Variants in TMPRSS15 observed in about 807,000 individuals in gnomAD.
TMPRSS15 encodes enteropeptidase.
In TMPRSS15, 128 loss-of-function variants were observed where a neutral mutation model predicts 125.3. That is an observed-to-expected ratio of 1.02 (90% CI 0.89 to 1.18). The LOEUF (loss-of-function observed/expected upper bound fraction) is 1.18, where lower values mean the gene tolerates loss of function less well. Ranked by LOEUF, TMPRSS15 falls within the 50% of genes most tolerant of loss-of-function variation. TMPRSS15 has a pLI of 0.00. For synonymous variants in TMPRSS15, 446 were observed against 423.2 expected (o/e 1.05, Z -0.66); for missense variants, 1,283 against 1,212.7 (o/e 1.06, Z -0.86).
Position 18,422,223 on chromosome 21 carries a change from C to T in TMPRSS15, c.11-23894G>A, listed in dbSNP as rs932477086. Among the ~76,000 whole-genome samples the T allele has an allele frequency of 5.3e-5, 8 of 152,116 alleles. No homozygotes were observed. The East Asian group carries it at 7.7e-4, about 15-fold the overall frequency. On this transcript the variant is annotated intron_variant, in intron 1 of 7. Coordinates refer to the TMPRSS15 transcript ENST00000422787. ...TTGGTCTTGAACTCCTGACCTCAGGCGAGCCACCCTCCTCAGCTTCCCAAA... is the reference window on the plus strand; with the variant it reads ...TTGGTCTTGAACTCCTGACCTCAGGTGAGCCACCCTCCTCAGCTTCCCAAA...
chr21:18,478,726 T>C (rs915494623), intron 1 of TMPRSS15, among the ~76,000 whole-genome samples: 5 of 152,002 alleles, frequency 3.3e-5, no homozygotes, highest in African/African-American at 1.2e-4. Flanking sequence ...CATGGTTAGA[T>C]TGAGGTTATA....
chr21:18,359,379 C>T (rs2147020953), intron 8 of TMPRSS15, among the ~76,000 whole-genome samples: 1 of 152,116 alleles, frequency 6.6e-6, no homozygotes, highest in Middle Eastern at 3.4e-3. Flanking sequence ...ATGACAGAAC[C>T]TCTGTGAGTT....
In TMPRSS15 at chr21:18,285,604, A is replaced by AAAGT. The variant is rs1474777352; in HGVS notation, c.2487-4387_2487-4384dup. ...CCAATTCGAATATTTAAGGCAACTGAAAGTTAGAATGTTTCTGAAACATAG... is the reference window on the plus strand; with the variant it reads ...CCAATTCGAATATTTAAGGCAACTGAAAGTAAGTTAGAATGTTTCTGAAACATAG... On this transcript the variant is annotated intron_variant, in intron 21 of 24. Coordinates refer to ENST00000284885, the MANE Select transcript of TMPRSS15 (RefSeq NM_002772.3). Among the ~76,000 whole-genome samples the AAAGT allele has an allele frequency of 8.0e-4, 122 of 152,336 alleles. 1 individual carries two copies. Among genetic ancestry groups the AAAGT allele is most frequent in the Non-Finnish European group, 2.2e-4 (15 of 68,036 alleles).
intron 3 of TMPRSS15, among the ~76,000 whole-genome samples, chr21:18,395,793 TGCACAAAA>T (rs1196054325): frequency 1.3e-5 from 2 of 152,206 alleles, no homozygotes; most frequent in Non-Finnish European, 2.9e-5. Context: ...GACTGTCAGC[TGCACAAAA>T]GCACAAAAAA....
rs2146936352 is a variant in TMPRSS15 at position 18,313,094 on chromosome 21, C to T, written c.2033-17G>A. 2 of 1,581,768 alleles carry T rather than the reference C, an allele frequency of 1.3e-6. No individual in the cohort carries two copies. Among genetic ancestry groups the T allele is most frequent in the Non-Finnish European group, 1.7e-6 (2 of 1,150,772 alleles). ...AAAAACGCACTAAAGACACAGAGAG[C>T]ATAATGGTAGTTACCAGAGACTGAA... On this transcript the variant is annotated splice_polypyrimidine_tract_variant and intron_variant, in intron 17 of 24. Coordinates refer to ENST00000284885, the MANE Select transcript of TMPRSS15 (RefSeq NM_002772.3).
At chr21:18,372,395 T>C in intron 5 of TMPRSS15, 71 bp from the exon 6 acceptor site, 2 of 1,420,500 alleles carry the variant, frequency 1.4e-6, no homozygotes, top group Non-Finnish European at 2.0e-6. Flanking sequence ...TAATAGGCCT[T>C]TTTGCCACTG....
Position 18,297,731 on chromosome 21 carries a change from C to T in TMPRSS15, c.2261+3G>A, listed in dbSNP as rs370016626. ...TAGTCTAAGAACAGATTTAGGGACCCACCTGGGTGTTAGTATTAAGTGGCC... is the reference window on the plus strand; with the variant it reads ...TAGTCTAAGAACAGATTTAGGGACCTACCTGGGTGTTAGTATTAAGTGGCC... On this transcript the variant is annotated splice_donor_region_variant and intron_variant, in intron 19 of 24. Coordinates refer to ENST00000284885, the MANE Select transcript of TMPRSS15 (RefSeq NM_002772.3). 1.6e-5 allele frequency: 25 copies of T among 1,610,786 alleles called. No individual in the cohort carries two copies. The highest frequency in any genetic ancestry group is 5.0e-5 in the Admixed American group (3 of 59,988).
chr21:18,286,187 C>CT (rs961568788), intron 21 of TMPRSS15, among the ~76,000 whole-genome samples: 5 of 152,204 alleles, frequency 3.3e-5, no homozygotes, highest in South Asian at 4.2e-4. Context: ...CCTCCTCAGT[C>CT]TTTTTTTCTC....
At chr21:18,405,505 C>T (rs193295618), upstream of TMPRSS15, among the ~76,000 whole-genome samples, 120 of 152,176 alleles carry the variant, frequency 7.9e-4, no homozygotes, top group Middle Eastern at 0.01. Flanking sequence ...TAACAAAACT[C>T]GTTACAAAGC....
intron 3 of TMPRSS15, among the ~76,000 whole-genome samples, chr21:18,393,025 C>T (rs375848907): frequency 7.9e-5 from 12 of 152,122 alleles, no homozygotes; most frequent in African/African-American, 2.2e-4. Context: ...CACCCAGTAA[C>T]GAAAACATAG....
chr21:18,325,055 T>G (rs955592775), intron 16 of TMPRSS15, among the ~76,000 whole-genome samples: 2 of 151,984 alleles, frequency 1.3e-5, no homozygotes, highest in African/African-American at 2.4e-5. Flanking sequence ...CAAATTTTCT[T>G]CTAAGTTAAA....
chr21:18,334,555 T>C (rs1208282296), intron 13 of TMPRSS15, among the ~76,000 whole-genome samples: 1 of 152,166 alleles, frequency 6.6e-6, no homozygotes, highest in Non-Finnish European at 1.5e-5. Flanking sequence ...TTAGACATAA[T>C]TTAAGAAATG....
chr21:18,369,567 T>C (rs530445731), intron 6 of TMPRSS15, among the ~76,000 whole-genome samples: 1 of 152,148 alleles, frequency 6.6e-6, no homozygotes, highest in South Asian at 2.1e-4. Context: ...GGAAGTTGCA[T>C]GAGGAAGACA....
At chr21:18,325,688 C>A (rs777941735) in intron 16 of TMPRSS15, among the ~76,000 whole-genome samples, 1 of 151,942 alleles carries the variant, frequency 6.6e-6, no homozygotes, top group Non-Finnish European at 1.5e-5. Context: ...GAAAGAACCA[C>A]TGAGTTGCCG....
intron 1 of TMPRSS15, among the ~76,000 whole-genome samples, chr21:18,436,578 C>T (rs948578445): frequency 6.6e-6 from 1 of 151,388 alleles, no homozygotes; most frequent in Non-Finnish European, 1.5e-5. Flanking sequence ...AGCTGATAAG[C>T]AACTTCAGCA....
chr21:18,407,816 G>T (rs142822856), upstream of TMPRSS15, among the ~76,000 whole-genome samples: 1 of 152,178 alleles, frequency 6.6e-6, no homozygotes, highest in African/African-American at 2.4e-5. Context: ...AAGATAAAAC[G>T]CTTTATGTGA....
chr21:18,357,789 T>C (rs1400404547), intron 8 of TMPRSS15, among the ~76,000 whole-genome samples: 1 of 151,758 alleles, frequency 6.6e-6, no homozygotes, highest in Non-Finnish European at 1.5e-5. Context: ...TGGTGTAAAT[T>C]CAAATAAACA....
intron 1 of TMPRSS15, among the ~76,000 whole-genome samples, chr21:18,423,501 C>A (rs951735827): frequency 6.6e-6 from 1 of 151,484 alleles, no homozygotes; most frequent in African/African-American, 2.4e-5. Flanking sequence ...CTCCGCCTCC[C>A]GGGTTCAGGC....
intron 1 of TMPRSS15, among the ~76,000 whole-genome samples, chr21:18,476,056 A>G (rs190133873): frequency 2.4e-4 from 37 of 152,310 alleles, no homozygotes; most frequent in African/African-American, 8.9e-4. Context: ...GTGTTCCAAG[A>G]GCCAAAGAAG....
Sources: gnomAD v4.1 joint callset for allele counts (sites outside exome capture counted in the v4.1 genomes callset) on GRCh38, gnomAD v4.1.1 for gene constraint, MANE v1.5 for transcripts, NCBI Gene and HGNC (gene_info 2026-07-23, HGNC 2026-07-21) for gene names.